The following CEP112 variants were observed in gnomAD, a reference collection of about 807,000 sequenced individuals.
CEP112 encodes centrosomal protein 112.
In CEP112, 127 loss-of-function variants were observed where a neutral mutation model predicts 153.0. The observed-to-expected ratio is 0.83, with a 90% CI of 0.72 to 0.96. The LOEUF (loss-of-function observed/expected upper bound fraction) is 0.96. Among genes scored for constraint, CEP112 ranks in the 40% least tolerant of loss-of-function variants. The pLI is 0.00. For synonymous variants in CEP112, 358 were observed against 374.4 expected (o/e 0.96, Z 0.51); for missense variants, 1,089 against 1,101.2 (o/e 0.99, Z 0.16).
intron 21 of CEP112, among the ~76,000 whole-genome samples, chr17:65,819,827 T>C (rs1261846603): frequency 6.6e-6 from 1 of 151,858 alleles, no homozygotes; most frequent in Non-Finnish European, 1.5e-5. Flanking sequence ...GTGTCATAGA[T>C]TGAAGGAGAA....
At chr17:66,035,683 G>A (rs8075597) in intron 12 of CEP112, among the ~76,000 whole-genome samples, 63,990 of 152,044 alleles carry the variant, frequency 0.42, 14,757 homozygotes, top group East Asian at 0.87. Context: ...ATGTATAAAC[G>A]GCATAGCATA....
At chr17:65,735,566 AC>A (rs555638391) in intron 23 of CEP112, among the ~76,000 whole-genome samples, 62,160 of 152,218 alleles carry the variant, frequency 0.41, 14,457 homozygotes, top group South Asian at 0.61. Flanking sequence ...ATCCTGATTA[AC>A]CTATCGTAAA....
chr17:65,687,292 G>A (rs1488650487), intron 24 of CEP112, among the ~76,000 whole-genome samples: 2 of 148,690 alleles, frequency 1.3e-5, no homozygotes, highest in East Asian at 2.0e-4. Flanking sequence ...TCAGCCTCCT[G>A]AGTAGCTAGG....
chr17:66,078,242 TTTTTC>T (rs1023974675), intron 8 of CEP112, among the ~76,000 whole-genome samples: 11 of 60,218 alleles, frequency 1.8e-4, no homozygotes, highest in African/African-American at 2.9e-4. Context: ...GTATCTTTTT[TTTTTC>T]TTTTCTTTTC....
chr17:65,714,217 C>T (rs1173142066), intron 23 of CEP112, among the ~76,000 whole-genome samples: 4 of 152,094 alleles, frequency 2.6e-5, no homozygotes, highest in South Asian at 2.1e-4. Context: ...TACATATACA[C>T]GTGTGTATAT....
intron 18 of CEP112, among the ~76,000 whole-genome samples, chr17:65,941,264 G>T (rs988253094): frequency 4.6e-5 from 7 of 151,872 alleles, no homozygotes; most frequent in Admixed American, 4.6e-4. Context: ...TATTTAAAAT[G>T]TTAAACATTT....
chr17:65,651,857 T>C (rs999369757), intron 24 of CEP112, among the ~76,000 whole-genome samples: 2 of 152,038 alleles, frequency 1.3e-5, no homozygotes, highest in Non-Finnish European at 2.9e-5. Flanking sequence ...GCACCACCAC[T>C]ACACCCAGCT....
chr17:66,178,731 T>C lies in CEP112; in HGVS notation c.107-1711A>G, dbSNP rs576434705. Among the ~76,000 whole-genome samples, 123 of 152,270 alleles carry C rather than the reference T, an allele frequency of 8.1e-4. 1 individual carries two copies. Among genetic ancestry groups the C allele is most frequent in the African/African-American group, 2.8e-3 (117 of 41,568 alleles). On this transcript the variant is annotated intron_variant, in intron 2 of 26. Coordinates refer to ENST00000535342, the MANE Select transcript of CEP112 (RefSeq NM_001199165.4). The stretch of plus-strand genomic sequence containing the variant: ...TTTAATCCATTTTTATTTTTGTATA[T>C]GGTGGGAGACAAGGGTCTAGTTTCA...
chr17:65,986,337 G>A (rs2063405840), intron 17 of CEP112, among the ~76,000 whole-genome samples: 1 of 152,072 alleles, frequency 6.6e-6, no homozygotes, highest in Non-Finnish European at 1.5e-5. Flanking sequence ...ATTAGCTTCA[G>A]GAAACAGAAC....
intron 23 of CEP112, among the ~76,000 whole-genome samples, chr17:65,724,628 T>C (rs2050076875): frequency 6.6e-6 from 1 of 152,210 alleles, no homozygotes; most frequent in Admixed American, 6.5e-5. Context: ...TTTACACACA[T>C]GTACAACATA....
At chr17:65,989,798 AC>A (rs1245476062) in intron 17 of CEP112, among the ~76,000 whole-genome samples, 1 of 152,230 alleles carries the variant, frequency 6.6e-6, no homozygotes, top group East Asian at 1.9e-4. Context: ...CCTATAAAAA[AC>A]AATACTACCT....
At chr17:65,707,284 A>G (rs1026688796) in intron 23 of CEP112, among the ~76,000 whole-genome samples, 1 of 152,160 alleles carries the variant, frequency 6.6e-6, no homozygotes, top group Non-Finnish European at 1.5e-5. Context: ...AGTCTTTGAC[A>G]AAGAAAAACC....
rs570106981 is a variant in CEP112, at chr17:66,131,712, A to G, written c.564+958T>C. Among the ~76,000 whole-genome samples, 6 of 151,868 alleles carry G rather than the reference A, an allele frequency of 4.0e-5. No homozygotes were observed. The South Asian group carries it at 1.3e-3, about 32-fold the overall frequency. On this transcript the variant is annotated intron_variant, in intron 5 of 26. Coordinates refer to ENST00000535342, the MANE Select transcript of CEP112 (RefSeq NM_001199165.4). ...GCCGAGATCATGCAGGTGCCACTGC[A>G]CTCCAGCCTGGGCGACAGAGCAAGA...
At chr17:66,135,831 G>A (rs1007455532) in intron 4 of CEP112, among the ~76,000 whole-genome samples, 1 of 148,068 alleles carries the variant, frequency 6.8e-6, no homozygotes, top group Middle Eastern at 3.2e-3. Flanking sequence ...AATAAGGAAT[G>A]ATACTATATA....
At chr17:65,954,586 G>A (rs1198286210) in intron 18 of CEP112, among the ~76,000 whole-genome samples, 1 of 151,966 alleles carries the variant, frequency 6.6e-6, no homozygotes, top group Admixed American at 6.6e-5. Context: ...AGAAAGGTGA[G>A]GTTCAACATA....
intron 17 of CEP112, among the ~76,000 whole-genome samples, chr17:65,985,233 G>T (rs776599571): frequency 1.6e-4 from 25 of 152,196 alleles, no homozygotes; most frequent in Non-Finnish European, 2.8e-4. Context: ...GAGATACCAA[G>T]AGGGCCCTGA....
intron 8 of CEP112, among the ~76,000 whole-genome samples, chr17:66,086,380 CTTTTTTTTTTTTTTTTTTTTTTTTTTTTT>C (rs71160531): frequency 1.5e-5 from 1 of 67,026 alleles, no homozygotes; most frequent in African/African-American, 6.4e-5. Flanking sequence ...ATTTTCTTTT[CTTTTTTTTTTTTTTTTTTTTTTTTTTTTT>C]TTTTTTTTTT....
chr17:65,875,932 A>G (rs2058811216), intron 20 of CEP112, among the ~76,000 whole-genome samples: 1 of 152,222 alleles, frequency 6.6e-6, no homozygotes, highest in South Asian at 2.1e-4. Context: ...ACCAGATAAT[A>G]TGTTACATAA....
chr17:65,960,761 G>C (rs1355949958), intron 18 of CEP112, among the ~76,000 whole-genome samples: 1 of 152,156 alleles, frequency 6.6e-6, no homozygotes, highest in Non-Finnish European at 1.5e-5. Flanking sequence ...TGTGGAGGCA[G>C]AACCCACAGA....
Sources: gnomAD v4.1 joint callset for allele counts (sites outside exome capture counted in the v4.1 genomes callset) on GRCh38, gnomAD v4.1.1 for gene constraint, MANE v1.5 for transcripts, NCBI Gene and HGNC (gene_info 2026-07-23, HGNC 2026-07-21) for gene names.